Variants in PALM2AKAP2 observed in about 807,000 individuals in gnomAD.
PALM2AKAP2 encodes the protein PALM2-AKAP2 fusion protein.
PALM2AKAP2 carries 37 observed loss-of-function variants against 71.5 expected under a neutral mutation model. The ratio of observed to expected loss-of-function variants is 0.52; its 90% confidence interval spans 0.40 to 0.68. The LOEUF (loss-of-function observed/expected upper bound fraction) is 0.68. PALM2AKAP2 is among the 30% of genes least tolerant of loss of function. The pLI, the probability that PALM2AKAP2 is intolerant of heterozygous loss-of-function variation, is 0.00. For missense variants in PALM2AKAP2, 1,224 were observed against 1,191.8 expected, an observed-to-expected ratio of 1.03 and a Z score of -0.40; for synonymous variants, 468 against 478.8, an observed-to-expected ratio of 0.98 and a Z score of 0.29.
upstream of PALM2AKAP2, among the ~76,000 whole-genome samples, chr9:109,776,694 T>A (rs1829353135): frequency 6.6e-6 from 1 of 152,012 alleles, no homozygotes; most frequent in South Asian, 2.1e-4. Context: ...TCCCCAAAGA[T>A]GGGAAGGAGT....
intron 6 of PALM2AKAP2, among the ~76,000 whole-genome samples, chr9:109,950,274 C>T (rs1831605759): frequency 6.6e-6 from 1 of 150,702 alleles, no homozygotes; most frequent in African/African-American, 2.4e-5. Flanking sequence ...GCCTGGGCAA[C>T]AGAGCAAGAC....
chr9:110,022,603 G>C (rs139725756), intron 7 of PALM2AKAP2, among the ~76,000 whole-genome samples: 1,614 of 148,126 alleles, frequency 0.011, 10 homozygotes, highest in Middle Eastern at 0.024. Context: ...TATACTTTAA[G>C]TTTTAGGGTA....
At chr9:109,672,889 C>T (rs1311352524) in intron 1 of PALM2AKAP2, among the ~76,000 whole-genome samples, 1 of 151,716 alleles carries the variant, frequency 6.6e-6, no homozygotes, top group Non-Finnish European at 1.5e-5. Flanking sequence ...AGTATAGGTG[C>T]ATAGAGGTGT....
intron 3 of PALM2AKAP2, among the ~76,000 whole-genome samples, chr9:110,159,086 T>C (rs1587875009): frequency 6.6e-6 from 1 of 152,326 alleles, no homozygotes; most frequent in East Asian, 1.9e-4. Context: ...TGGCCCCTTT[T>C]CCATTTTTTC....
chr9:109,955,521 A>C (rs988691830), intron 6 of PALM2AKAP2, among the ~76,000 whole-genome samples: 4 of 152,216 alleles, frequency 2.6e-5, no homozygotes, highest in East Asian at 3.8e-4. Context: ...CAAAAATAAC[A>C]AGAGGCACAG....
intron 1 of PALM2AKAP2, among the ~76,000 whole-genome samples, chr9:109,865,213 C>A (rs1166013578): frequency 6.8e-6 from 1 of 147,580 alleles, no homozygotes; most frequent in Non-Finnish European, 1.5e-5. Flanking sequence ...ATTCTCCTGC[C>A]TTAGCCTCCC....
chr9:109,933,587 T>C (rs1831157759), intron 6 of PALM2AKAP2, among the ~76,000 whole-genome samples: 1 of 152,248 alleles, frequency 6.6e-6, no homozygotes, highest in Non-Finnish European at 1.5e-5. Flanking sequence ...TGAATGTGAT[T>C]GTAGTGCTGT....
intron 1 of PALM2AKAP2, among the ~76,000 whole-genome samples, chr9:109,839,933 T>C (rs547760927): frequency 1.3e-5 from 2 of 152,206 alleles, no homozygotes; most frequent in Non-Finnish European, 2.9e-5. Flanking sequence ...AAAATGGTCA[T>C]ACTACCCAAA....
At chr9:110,019,047 C>G (rs1588061621) in intron 7 of PALM2AKAP2, among the ~76,000 whole-genome samples, 1 of 152,058 alleles carries the variant, frequency 6.6e-6, no homozygotes, top group African/African-American at 2.4e-5. Flanking sequence ...CGAGACCATC[C>G]TGGCCAACAT....
chr9:109,978,990 CTT>C (rs374404971), intron 6 of PALM2AKAP2, among the ~76,000 whole-genome samples: 1 of 145,926 alleles, frequency 6.9e-6, no homozygotes, highest in African/African-American at 2.5e-5. Flanking sequence ...TCCAGGCCTT[CTT>C]TTTTTTTTTT....
intron 2 of PALM2AKAP2, among the ~76,000 whole-genome samples, chr9:110,141,441 G>A (rs1037569844): frequency 2.0e-5 from 3 of 152,146 alleles, no homozygotes; most frequent in African/African-American, 4.8e-5. Context: ...GCAGGCACCC[G>A]GGCTTCCCAG....
chr9:109,891,429 A>T (rs551790952), intron 3 of PALM2AKAP2, among the ~76,000 whole-genome samples: 2 of 152,176 alleles, frequency 1.3e-5, no homozygotes, highest in South Asian at 2.1e-4. Context: ...GTCTGAGGAG[A>T]TGGAGATGAA....
chr9:109,814,945 G>T (rs754787563), intron 1 of PALM2AKAP2, among the ~76,000 whole-genome samples: 1 of 152,134 alleles, frequency 6.6e-6, no homozygotes, highest in Non-Finnish European at 1.5e-5. Context: ...GATCTAGTTG[G>T]ATATGCATTT....
chr9:110,030,667 A>T (rs74497224), intron 7 of PALM2AKAP2, among the ~76,000 whole-genome samples: 4,823 of 152,334 alleles, frequency 0.032, 111 homozygotes, highest in Non-Finnish European at 0.046. Context: ...TCGATAAATT[A>T]TCCAATGCCT....
At chr9:109,996,129 T>G (rs1430565912) in intron 6 of PALM2AKAP2, among the ~76,000 whole-genome samples, 2 of 152,220 alleles carry the variant, frequency 1.3e-5, no homozygotes, top group African/African-American at 4.8e-5. Flanking sequence ...ATACATCTCC[T>G]CTGGATGGAA....
At chr9:110,033,139 G>A (rs757117050) in intron 7 of PALM2AKAP2, among the ~76,000 whole-genome samples, 2 of 152,114 alleles carry the variant, frequency 1.3e-5, no homozygotes, top group African/African-American at 2.4e-5. Flanking sequence ...GTGTGTTTGA[G>A]TTGGTTCTTG....
At chr9:109,947,092 T>C (rs1016983128) in intron 6 of PALM2AKAP2, among the ~76,000 whole-genome samples, 2 of 152,248 alleles carry the variant, frequency 1.3e-5, no homozygotes, top group Non-Finnish European at 2.9e-5. Context: ...GGAATGCCCT[T>C]ATGGCCAAAC....
chr9:109,868,264 T>G (rs1290818270), intron 2 of PALM2AKAP2, among the ~76,000 whole-genome samples: 1 of 152,192 alleles, frequency 6.6e-6, no homozygotes, highest in Admixed American at 6.5e-5. Flanking sequence ...CGTAATTGAT[T>G]ACAGCTCAGG....
chr9:109,888,960 G>A (rs1481838748), intron 3 of PALM2AKAP2, among the ~76,000 whole-genome samples: 1 of 152,082 alleles, frequency 6.6e-6, no homozygotes, highest in African/African-American at 2.4e-5. Context: ...GCTGAATGTT[G>A]CCTTGGGGGA....
Sources: gnomAD v4.1 joint callset for allele counts (sites outside exome capture counted in the v4.1 genomes callset) on GRCh38, gnomAD v4.1.1 for gene constraint, MANE v1.5 for transcripts, NCBI Gene and HGNC (gene_info 2026-07-23, HGNC 2026-07-21) for gene names.